Variants in TPH2 observed in about 807,000 individuals in gnomAD.
TPH2 encodes tryptophan 5-hydroxylase 2.
TPH2 carries 27 observed loss-of-function variants against 59.1 expected under a neutral mutation model. That is an observed-to-expected ratio of 0.46 (90% CI 0.34 to 0.63). TPH2 has a LOEUF of 0.63. Ranked by LOEUF, TPH2 falls within the 30% of genes least tolerant of loss-of-function variation. The pLI is 0.01. For missense variants in TPH2, 523 were observed against 588.3 expected, an observed-to-expected ratio of 0.89 and a Z score of 1.15; for synonymous variants, 220 against 210.5, an observed-to-expected ratio of 1.05 and a Z score of -0.39.
chr12:72,000,398 A>G (rs1251121251), intron 8 of TPH2, among the ~76,000 whole-genome samples: 4 of 152,206 alleles, frequency 2.6e-5, no homozygotes, highest in Non-Finnish European at 5.9e-5. Context: ...TATCCCCTTG[A>G]TCAGTGCTTC....
At chr12:72,019,002 C>T (rs78321100) in intron 8 of TPH2, among the ~76,000 whole-genome samples, 79,799 of 151,698 alleles carry the variant, frequency 0.53, 22,273 homozygotes, top group Non-Finnish European at 0.64. Flanking sequence ...CTGAACATCC[C>T]AGATACTTCC....
chr12:72,003,283 T>C (rs1872872089), intron 8 of TPH2, among the ~76,000 whole-genome samples: 1 of 152,342 alleles, frequency 6.6e-6, no homozygotes, highest in South Asian at 2.1e-4. Context: ...GTTTGGATCA[T>C]TTTATACAAA....
Position 72,003,726 on chromosome 12 carries a change from A to G in TPH2, c.1068+9161A>G, listed in dbSNP as rs181906893. Among the ~76,000 whole-genome samples, 438 of 152,274 alleles carry G rather than the reference A, an allele frequency of 2.9e-3. 2 individuals are homozygous for G. Among genetic ancestry groups the G allele is most frequent in the Non-Finnish European group, 3.4e-3 (230 of 68,032 alleles). On this transcript the variant is annotated intron_variant, in intron 8 of 10. Coordinates refer to ENST00000333850, the MANE Select transcript of TPH2 (RefSeq NM_173353.4). ...GTGTTTGCCATCTATTTATATTATG[A>G]TGAGAACACCACAGTCATCTGGAAT...
chr12:71,982,519 T>C (rs1872313565), intron 7 of TPH2, among the ~76,000 whole-genome samples: 1 of 152,224 alleles, frequency 6.6e-6, no homozygotes, highest in African/African-American at 2.4e-5. Flanking sequence ...TTTTAATCCT[T>C]GTATATTGCA....
In TPH2 at chr12:71,944,575, G is replaced by C. The variant is rs551159117; in HGVS notation, c.440-11G>C. On this transcript the variant is annotated splice_polypyrimidine_tract_variant and intron_variant, in intron 3 of 10. Coordinates refer to ENST00000333850, the MANE Select transcript of TPH2 (RefSeq NM_173353.4). ...GAACTAATATTTTTGAACCTGCACT[G>C]TTTTCAACAGAGCTAGAGGATGTGC... is the stretch of plus-strand genomic sequence containing the variant. 1.2e-6 allele frequency: 2 copies of C among 1,613,884 alleles called. No homozygotes were observed. Among genetic ancestry groups the C allele is most frequent in the Admixed American group, 1.7e-5 (1 of 59,994 alleles).
intron 8 of TPH2, among the ~76,000 whole-genome samples, chr12:71,997,455 T>C (rs1254237575): frequency 6.6e-6 from 1 of 152,232 alleles, no homozygotes; most frequent in Non-Finnish European, 1.5e-5. Context: ...TGAATACTCA[T>C]ACCTTGAAAT....
chr12:71,949,092 C>A (rs1319950026), intron 4 of TPH2, among the ~76,000 whole-genome samples: 1 of 152,092 alleles, frequency 6.6e-6, no homozygotes, highest in Non-Finnish European at 1.5e-5. Flanking sequence ...TACAGCAAAA[C>A]CTCTTTAATT....
intron 5 of TPH2, among the ~76,000 whole-genome samples, chr12:71,969,500 G>T (rs746059227): frequency 2.6e-5 from 4 of 152,094 alleles, no homozygotes; most frequent in Admixed American, 2.6e-4. Context: ...TGAGTGCCCT[G>T]CATTCCTGGT....
At chr12:71,958,109 G>T (rs1177692482) in intron 5 of TPH2, among the ~76,000 whole-genome samples, 2 of 152,142 alleles carry the variant, frequency 1.3e-5, no homozygotes, top group African/African-American at 4.8e-5. Context: ...ACTTACTAAA[G>T]GTTACACAGC....
chr12:71,983,232 C>T (rs975849942), intron 7 of TPH2, among the ~76,000 whole-genome samples: 1 of 152,112 alleles, frequency 6.6e-6, no homozygotes, highest in Non-Finnish European at 1.5e-5. Flanking sequence ...CACTGATCTG[C>T]TAGAAGAGGA....
rs186347296 is a variant in TPH2 at position 71,967,448 on chromosome 12, C to T, written c.609-5071C>T. On this transcript the variant is annotated intron_variant, in intron 5 of 10. Transcript: ENST00000333850. Reference sequence around the variant, plus strand: ...CATCTTAGCTTCTTTCTAGTACTGCCGTCGCTGAACACTGGTTCCATATCG... The same window carrying T: ...CATCTTAGCTTCTTTCTAGTACTGCTGTCGCTGAACACTGGTTCCATATCG... Among the ~76,000 whole-genome samples, 88 of 152,274 alleles carry T rather than the reference C, an allele frequency of 5.8e-4. 1 individual carries two copies. The highest frequency in any genetic ancestry group is 9.8e-4 in the Admixed American group (15 of 15,294).
chr12:71,995,266 AT>A (rs1474479489), intron 8 of TPH2, among the ~76,000 whole-genome samples: 2 of 152,168 alleles, frequency 1.3e-5, no homozygotes, highest in African/African-American at 4.8e-5. Flanking sequence ...GAAGGGCCAG[AT>A]CTAGCATGCT....
chr12:71,979,739 G>C (rs919390165), intron 7 of TPH2, among the ~76,000 whole-genome samples: 4 of 152,232 alleles, frequency 2.6e-5, no homozygotes, highest in African/African-American at 7.2e-5. Flanking sequence ...GTAAGAAGCA[G>C]GAGTAAGCTG....
chr12:71,957,544 C>T (rs1020608751), intron 5 of TPH2, among the ~76,000 whole-genome samples: 1 of 151,906 alleles, frequency 6.6e-6, no homozygotes, highest in Non-Finnish European at 1.5e-5. Context: ...ACTATGTTGC[C>T]CAGGCTAGTC....
intron 1 of TPH2, among the ~76,000 whole-genome samples, chr12:71,939,313 CAA>C (rs1300746639): frequency 7.2e-6 from 1 of 139,578 alleles, no homozygotes; most frequent in African/African-American, 2.7e-5. Flanking sequence ...TTTTTTTCCG[CAA>C]AGTTTGTAAG....
At chr12:71,988,234 G>A (rs1872493373) in intron 7 of TPH2, among the ~76,000 whole-genome samples, 1 of 152,208 alleles carries the variant, frequency 6.6e-6, no homozygotes, top group Non-Finnish European at 1.5e-5. Flanking sequence ...TGAACTTGGA[G>A]AGGTGGAGAG....
chr12:71,949,161 C>A (rs1262851623), intron 4 of TPH2, among the ~76,000 whole-genome samples: 1 of 152,114 alleles, frequency 6.6e-6, no homozygotes, highest in Non-Finnish European at 1.5e-5. Flanking sequence ...ATAAATGTCA[C>A]ATTTATTAGT....
rs187503640 is a variant in TPH2, at chr12:71,965,579, C to T, written c.609-6940C>T. ...CATATGATTATTGGCTGCATGTATG[C>T]CTTCTTTTGAAAATGTTCATGTCCT... On this transcript the variant is annotated intron_variant, in intron 5 of 10. Coordinates refer to ENST00000333850, the MANE Select transcript of TPH2 (RefSeq NM_173353.4). 3.3e-5 allele frequency: 5 copies of T among 152,152 alleles called. No homozygotes were observed. The East Asian group carries it at 9.6e-4, about 29-fold the overall frequency. 9.4% of individuals were successfully genotyped at this position (152,152 alleles called of 1,614,324 possible). A position where few individuals can be genotyped will look rare whatever the true frequency, so the allele number is the denominator to read the frequency against.
intron 5 of TPH2, among the ~76,000 whole-genome samples, chr12:71,969,011 G>C (rs1871895834): frequency 6.6e-6 from 1 of 152,130 alleles, no homozygotes. Flanking sequence ...GGCCGGAAGC[G>C]GCTGGCTCAC....
Sources: gnomAD v4.1 joint callset for allele counts (sites outside exome capture counted in the v4.1 genomes callset) on GRCh38, gnomAD v4.1.1 for gene constraint, MANE v1.5 for transcripts, NCBI Gene and HGNC (gene_info 2026-07-23, HGNC 2026-07-21) for gene names.